The following STXBP4 variants were observed in gnomAD, a reference collection of about 807,000 sequenced individuals.
STXBP4 encodes the protein syntaxin binding protein 4, also known as syntaxin-binding protein 4.
Under a neutral mutation model 76.1 loss-of-function variants are expected in STXBP4, and 55 were observed. That is an observed-to-expected ratio of 0.72 (90% CI 0.58 to 0.91). The LOEUF is 0.91. Ranked by LOEUF, STXBP4 falls within the 40% of genes least tolerant of loss-of-function variation. STXBP4 has a pLI of 0.00. For synonymous variants in STXBP4, 201 were observed against 220.2 expected, an observed-to-expected ratio of 0.91 and a Z score of 0.77; for missense variants, 618 against 636.9, an observed-to-expected ratio of 0.97 and a Z score of 0.32.
chr17:55,124,926 GTTC>G (rs1444112693), intron 16 of STXBP4, among the ~76,000 whole-genome samples: 2 of 152,158 alleles, frequency 1.3e-5, no homozygotes, highest in Non-Finnish European at 2.9e-5. Flanking sequence ...TCTTGTCCCT[GTTC>G]TTCTGAGGAC....
chr17:55,172,663 C>A lies in STXBP4; in HGVS notation c.*12752C>A, dbSNP rs1018348462. On this transcript the variant is annotated 3_prime_UTR_variant, in exon 18 of 18. Transcript: ENST00000376352. ...AGAAGTTACAGTTTAAAGTTTGCAT[C>A]TCGTAATAACTTGGTGAGATAGGGC... 1 of 152,158 alleles carries A rather than the reference C, an allele frequency of 6.6e-6. No homozygotes were observed. The highest frequency in any genetic ancestry group is 2.4e-5 in the African/African-American group (1 of 41,432). 9.4% of individuals were successfully genotyped at this position (152,158 alleles called of 1,614,324 possible).
chr17:55,139,356 G>A (rs1433035827), intron 16 of STXBP4, among the ~76,000 whole-genome samples: 18 of 152,132 alleles, frequency 1.2e-4, no homozygotes, highest in Admixed American at 9.2e-4. Flanking sequence ...AGACACAGTT[G>A]TACTGATCAG....
rs1489244595 is a variant in STXBP4, at chr17:55,115,914, C to T, written c.1490-25396C>T. Among the ~76,000 whole-genome samples, 8 of 151,792 alleles carry T rather than the reference C, an allele frequency of 5.3e-5. No individual in the cohort carries two copies. In the East Asian group the frequency reaches 1.5e-3, roughly 29 times the overall value. ...TGACTAATCAGACATGATTTATGTT[C>T]TAGGTTTAACCATGGTTGGAAATGA... On this transcript the variant is annotated intron_variant, in intron 16 of 17. Coordinates refer to ENST00000376352, the MANE Select transcript of STXBP4 (RefSeq NM_178509.6).
At chr17:55,206,874 AAAAGG>A in the STXBP4 span, among the ~76,000 whole-genome samples, 1 of 150,492 alleles carries the variant, frequency 6.6e-6, no homozygotes, top group African/African-American at 2.4e-5. Context: ...AAAAAAAAAA[AAAAGG>A]AGGTGTCAAA....
chr17:55,181,267 A>T, the STXBP4 span, among the ~76,000 whole-genome samples: 1 of 152,238 alleles, frequency 6.6e-6, no homozygotes, highest in Non-Finnish European at 1.5e-5. Context: ...GCTATCAATA[A>T]TCAGCCTTCT....
At chr17:54,975,604 G>A (rs1598141864) in intron 1 of STXBP4, among the ~76,000 whole-genome samples, 1 of 152,220 alleles carries the variant, frequency 6.6e-6, no homozygotes, top group East Asian at 1.9e-4. Flanking sequence ...ACCTTTAGAA[G>A]GTTAAAGGTA....
At chr17:55,190,668 A>G in the STXBP4 span, among the ~76,000 whole-genome samples, 3 of 152,216 alleles carry the variant, frequency 2.0e-5, 1 homozygote, top group South Asian at 4.1e-4. Context: ...CGAGGGAGAT[A>G]ATAAGCATGC....
rs553350188 is a variant in STXBP4, at chr17:55,082,001, C to T, written c.1489+818C>T. 1.5e-4 allele frequency among the ~76,000 whole-genome samples: 23 copies of T among 152,268 alleles called. No individual in the cohort carries two copies. In the East Asian group the frequency reaches 3.5e-3, roughly 23 times the overall value. On this transcript the variant is annotated intron_variant, in intron 16 of 17. Coordinates refer to ENST00000376352, the MANE Select transcript of STXBP4 (RefSeq NM_178509.6). Reference sequence around the variant, plus strand: ...ACTCCCTTTTTCTAACTACTTCTTACGTACTCTTTATTTTCCTGCAATGAA... The same window carrying T: ...ACTCCCTTTTTCTAACTACTTCTTATGTACTCTTTATTTTCCTGCAATGAA...
intron 16 of STXBP4, among the ~76,000 whole-genome samples, chr17:55,083,453 A>G (rs144390306): frequency 6.6e-6 from 1 of 152,322 alleles, no homozygotes; most frequent in Admixed American, 6.5e-5. Flanking sequence ...CTATGTACAT[A>G]GCACTTTTTT....
the STXBP4 span, among the ~76,000 whole-genome samples, chr17:55,193,058 A>G: frequency 6.6e-6 from 1 of 152,164 alleles, no homozygotes; most frequent in African/African-American, 2.4e-5. Flanking sequence ...AAAGAGAAAC[A>G]TGACTTTGGG....
chr17:55,140,625 C>T (rs935221582), intron 16 of STXBP4, among the ~76,000 whole-genome samples: 12 of 152,114 alleles, frequency 7.9e-5, no homozygotes, highest in African/African-American at 2.9e-4. Flanking sequence ...AAAATGTACT[C>T]ATTTACAGAA....
intron 16 of STXBP4, among the ~76,000 whole-genome samples, chr17:55,098,474 G>C (rs1438581185): frequency 6.6e-6 from 1 of 152,082 alleles, no homozygotes; most frequent in Non-Finnish European, 1.5e-5. Flanking sequence ...TAAATACCCA[G>C]TAGCTCTCTG....
intron 1 of STXBP4, among the ~76,000 whole-genome samples, chr17:54,982,868 C>T (rs1345710901): frequency 6.6e-6 from 1 of 152,192 alleles, no homozygotes; most frequent in Non-Finnish European, 1.5e-5. Context: ...CTTACTCTCT[C>T]ATTCCACTTT....
the STXBP4 span, among the ~76,000 whole-genome samples, chr17:55,187,384 C>G: frequency 2.6e-5 from 4 of 152,014 alleles, no homozygotes; most frequent in Non-Finnish European, 4.4e-5. Flanking sequence ...GCACCCCTCC[C>G]TTGTTTCTTG....
downstream of STXBP4, among the ~76,000 whole-genome samples, chr17:55,174,302 C>T (rs1675942439): frequency 6.6e-6 from 1 of 152,198 alleles, no homozygotes; most frequent in South Asian, 2.1e-4. Flanking sequence ...TTAATATTCC[C>T]ATCGGCTGTG....
the STXBP4 span, among the ~76,000 whole-genome samples, chr17:55,185,100 G>A: frequency 6.6e-6 from 1 of 151,984 alleles, no homozygotes; most frequent in South Asian, 2.1e-4. Flanking sequence ...AGAACTCCTG[G>A]GCTCAAATAA....
intron 7 of STXBP4, among the ~76,000 whole-genome samples, chr17:55,007,175 C>CT (rs2078024197): frequency 1.3e-5 from 2 of 151,624 alleles, no homozygotes; most frequent in South Asian, 4.2e-4. Flanking sequence ...CTGTCTCTAA[C>CT]TAAATATACA....
At chr17:55,072,414 A>T (rs912056655) in intron 12 of STXBP4, among the ~76,000 whole-genome samples, 2 of 152,182 alleles carry the variant, frequency 1.3e-5, no homozygotes, top group African/African-American at 4.8e-5. Context: ...AAAAGGGAGA[A>T]GTAGTAGATA....
intron 6 of STXBP4, among the ~76,000 whole-genome samples, chr17:55,000,542 A>G (rs2144495253): frequency 6.6e-6 from 1 of 152,260 alleles, no homozygotes; most frequent in Admixed American, 6.5e-5. Context: ...AGCCCCTTAT[A>G]CTTTGTCACT....
Sources: gnomAD v4.1 joint callset for allele counts (sites outside exome capture counted in the v4.1 genomes callset) on GRCh38, gnomAD v4.1.1 for gene constraint, MANE v1.5 for transcripts, NCBI Gene and HGNC (gene_info 2026-07-23, HGNC 2026-07-21) for gene names.